RBM27: variants seen among roughly 807,000 people sequenced by gnomAD.
RBM27 encodes the protein RNA-binding protein 27.
Under a neutral mutation model 135.3 loss-of-function variants are expected in RBM27, and 22 were observed. That is an observed-to-expected ratio of 0.16 (90% confidence interval 0.12 to 0.23). The LOEUF (loss-of-function observed/expected upper bound fraction) is 0.23, where lower values mean the gene tolerates loss of function less well. Among genes scored for constraint, RBM27 ranks in the 10% least tolerant of loss-of-function variants. RBM27 has a pLI of 1.00. For synonymous variants in RBM27, 481 were observed against 442.4 expected (o/e 1.09, Z -1.10); for missense variants, 1,009 against 1,281.0 (o/e 0.79, Z 3.24).
At chr5:146,211,461 TATC>T (rs1348885110) in intron 1 of RBM27, among the ~76,000 whole-genome samples, 15 of 138,690 alleles carry the variant, frequency 1.1e-4, no homozygotes, top group Admixed American at 7.8e-5. Context: ...AGTATGGTCT[TATC>T]TTTTTTTTTT....
chr5:146,279,026 T>C, intron 19 of RBM27, among the ~76,000 whole-genome samples: 1 of 152,088 alleles, frequency 6.6e-6, no homozygotes, highest in Non-Finnish European at 1.5e-5. Flanking sequence ...TGGCCTTTTT[T>C]CCCAATATTT....
rs1332334595 is a variant in RBM27, at chr5:146,230,706, T to C, written c.639T>C (p.Ser213=). ...KFKSERNDLE[S]SYVPVSAPPP... The stretch of plus-strand genomic sequence containing the variant: ...AGAGTGAAAGGAATGACCTGGAGAG[T>C]TCCTATGTGCCTGTGTCTGCACCAC... Residue 213 remains serine, a synonymous_variant, in exon 6 of 21, where the codon AGT becomes AGC. Transcript: ENST00000265271. 6.2e-7 allele frequency: 1 copy of C among 1,613,640 alleles called. No homozygotes were observed. The highest frequency in any genetic ancestry group is 8.5e-7 in the Non-Finnish European group (1 of 1,179,828).
At chr5:146,217,154 A>C (rs1756231041) in intron 1 of RBM27, among the ~76,000 whole-genome samples, 1 of 151,694 alleles carries the variant, frequency 6.6e-6, no homozygotes, top group Admixed American at 6.6e-5. Context: ...TTTAGTAGAG[A>C]CGGGGTTTCG....
intron 3 of RBM27, among the ~76,000 whole-genome samples, chr5:146,225,598 C>A (rs1425206806): frequency 6.8e-6 from 1 of 148,108 alleles, no homozygotes; most frequent in African/African-American, 2.5e-5. Context: ...ACGGAGTCCG[C>A]TCCATCGCCC....
At chr5:146,204,334 G>A (rs575456334) in intron 1 of RBM27, among the ~76,000 whole-genome samples, 20 of 152,286 alleles carry the variant, frequency 1.3e-4, no homozygotes, top group African/African-American at 4.8e-4. Context: ...ACTGTATAGC[G>A]ATTATTGGTA....
At chr5:146,239,472 C>CTTTTTTTTTTTTTTTT (rs916182587) in intron 8 of RBM27, among the ~76,000 whole-genome samples, 2 of 55,360 alleles carry the variant, frequency 3.6e-5, no homozygotes, top group Non-Finnish European at 7.1e-5. Flanking sequence ...TTTTCCTTTT[C>CTTTTTTTTTTTTTTTT]TTTTTTTTTT....
intron 8 of RBM27, among the ~76,000 whole-genome samples, chr5:146,248,444 G>A (rs1307485393): frequency 1.3e-5 from 2 of 152,016 alleles, no homozygotes; most frequent in Admixed American, 6.6e-5. Context: ...GCTACATTTG[G>A]ATTAATTGCC....
At chr5:146,253,696 T>C (rs1219769490) in intron 9 of RBM27, among the ~76,000 whole-genome samples, 1 of 152,172 alleles carries the variant, frequency 6.6e-6, no homozygotes, top group Non-Finnish European at 1.5e-5. Flanking sequence ...TTCTGGATGT[T>C]TTGTGCAAGA....
At chr5:146,262,009 C>T (rs1165468454) in intron 13 of RBM27, among the ~76,000 whole-genome samples, 1 of 152,194 alleles carries the variant, frequency 6.6e-6, no homozygotes, top group Non-Finnish European at 1.5e-5. Context: ...CTCCATCCTA[C>T]TGAATCAGAA....
chr5:146,211,464 C>CTTTTTTTTTT lies in RBM27; in HGVS notation c.60-7500_60-7491dup, dbSNP rs57117642. Among the ~76,000 whole-genome samples the CTTTTTTTTTT allele has an allele frequency of 1.6e-3, 79 of 49,916 alleles. 15 individuals carry two copies. The highest frequency in any genetic ancestry group is 0.013 in the Admixed American group (33 of 2,564). The allele number at this position is 49,916 out of a possible 152,430, so 32.7% of individuals were successfully genotyped here. A position where few individuals can be genotyped will look rare whatever the true frequency, so the allele number is the denominator to read the frequency against. Reference sequence around the variant, plus strand: ...CTTACTTTGTCCAGTATGGTCTTATCTTTTTTTTTTTTTTTTTTTTTTTTT... The same window carrying CTTTTTTTTTT: ...CTTACTTTGTCCAGTATGGTCTTATCTTTTTTTTTTTTTTTTTTTTTTTTTTTTTTTTTTT... On this transcript the variant is annotated intron_variant, in intron 1 of 20. Transcript: ENST00000265271.
At chr5:146,232,566 CTTTT>C (rs1356472157) in intron 6 of RBM27, among the ~76,000 whole-genome samples, 1 of 151,686 alleles carries the variant, frequency 6.6e-6, no homozygotes, top group Non-Finnish European at 1.5e-5. Flanking sequence ...TCTTAGTATT[CTTTT>C]TTTTCTCTTT....
At position 146,249,683 on chromosome 5, in the gene RBM27, CAAAAAAAA is replaced by C. The variant is rs1209651197; in HGVS notation, c.1280-2017_1280-2010del. ...AGCCTGGGCGACAGAGTGAGACTCT[CAAAAAAAA>C]AAAAAAAAAAGAAAAAGTAAAAAAA... On this transcript the variant is annotated intron_variant, in intron 8 of 20. Coordinates refer to ENST00000265271, the MANE Select transcript of RBM27 (RefSeq NM_018989.2). Among the ~76,000 whole-genome samples, 106 of 37,210 alleles carry C rather than the reference CAAAAAAAA, an allele frequency of 2.8e-3. 1 individual carries two copies. The highest frequency in any genetic ancestry group is 2.8e-3 in the Non-Finnish European group (48 of 17,416). 24.4% of individuals were successfully genotyped at this position (37,210 alleles called of 152,430 possible). A position where few individuals can be genotyped will look rare whatever the true frequency, so the allele number is the denominator to read the frequency against.
At chr5:146,246,167 A>G in intron 8 of RBM27, among the ~76,000 whole-genome samples, 1 of 152,166 alleles carries the variant, frequency 6.6e-6, no homozygotes. Context: ...AGACACATAA[A>G]TATGGCCAGT....
At chr5:146,244,959 G>C (rs1228349002) in intron 8 of RBM27, among the ~76,000 whole-genome samples, 1 of 151,710 alleles carries the variant, frequency 6.6e-6, no homozygotes, top group Non-Finnish European at 1.5e-5. Context: ...CTGCAGCCTT[G>C]AACCACTGGG....
chr5:146,255,783 C>A (rs959346508), intron 10 of RBM27, among the ~76,000 whole-genome samples: 1 of 152,024 alleles, frequency 6.6e-6, no homozygotes, highest in Non-Finnish European at 1.5e-5. Context: ...TGCACTGACA[C>A]AATAGTTTTT....
chr5:146,222,079 A>C (rs1269643811), intron 2 of RBM27, among the ~76,000 whole-genome samples: 1 of 152,166 alleles, frequency 6.6e-6, no homozygotes, highest in Non-Finnish European at 1.5e-5. Flanking sequence ...ATTGTTTTAA[A>C]TAATAATTAT....
intron 1 of RBM27, among the ~76,000 whole-genome samples, chr5:146,205,378 A>C (rs1755592073): frequency 6.6e-6 from 1 of 152,194 alleles, no homozygotes; most frequent in African/African-American, 2.4e-5. Context: ...AGAGATGGGC[A>C]GGCTTTGATT....
At chr5:146,211,924 TATG>T (rs1755975954) in intron 1 of RBM27, among the ~76,000 whole-genome samples, 1 of 152,214 alleles carries the variant, frequency 6.6e-6, no homozygotes, top group Non-Finnish European at 1.5e-5. Context: ...TTGTTTTTCT[TATG>T]TGTATGAATT....
intron 6 of RBM27, among the ~76,000 whole-genome samples, chr5:146,231,293 C>T (rs1009119991): frequency 2.0e-5 from 3 of 152,084 alleles, no homozygotes; most frequent in African/African-American, 7.2e-5. Flanking sequence ...TTAGTAGAGA[C>T]AGGGTTTCAC....
Sources: gnomAD v4.1 joint callset for allele counts (sites outside exome capture counted in the v4.1 genomes callset) on GRCh38, gnomAD v4.1.1 for gene constraint, MANE v1.5 for transcripts, NCBI Gene and HGNC (gene_info 2026-07-23, HGNC 2026-07-21) for gene names.